The following SCAPER variants were observed in gnomAD, a reference collection of about 807,000 sequenced individuals.
SCAPER encodes S-phase cyclin A associated protein in the ER.
A neutral mutation model predicts 182.2 loss-of-function variants in SCAPER; 98 were observed. That is an observed-to-expected ratio of 0.54 (90% CI 0.46 to 0.64). SCAPER has a LOEUF of 0.64. SCAPER is among the 30% of genes least tolerant of loss of function. SCAPER has a pLI of 0.00. For missense variants in SCAPER, 1,432 were observed against 1,690.0 expected, an observed-to-expected ratio of 0.85 and a Z score of 2.68; for synonymous variants, 605 against 564.6, an observed-to-expected ratio of 1.07 and a Z score of -1.01.
chr15:76,875,407 G>A (rs1321128072), intron 2 of SCAPER, among the ~76,000 whole-genome samples: 1 of 152,178 alleles, frequency 6.6e-6, no homozygotes, highest in Non-Finnish European at 1.5e-5. Flanking sequence ...ACTTTGGCAG[G>A]CCAAAGTAGG....
At position 76,601,646 on chromosome 15, in the gene SCAPER, T is replaced by C. The variant is rs537715868; in HGVS notation, c.2711+20118A>G. Among the ~76,000 whole-genome samples the C allele has an allele frequency of 1.4e-3, 168 of 122,214 alleles. 13 individuals carry two copies. Among genetic ancestry groups the C allele is most frequent in the African/African-American group, 4.2e-3 (167 of 40,050 alleles). 80.2% of individuals were successfully genotyped at this position (122,214 alleles called of 152,430 possible). ...CATATTTTCATTGTTAAGTGATGTA[T>C]GACTGTATATTTCTTATTTTTAGTA... On this transcript the variant is annotated intron_variant, in intron 22 of 31. Coordinates refer to ENST00000563290, the MANE Select transcript of SCAPER (RefSeq NM_020843.4).
At chr15:76,837,086 T>C (rs571153903) in intron 5 of SCAPER, among the ~76,000 whole-genome samples, 1 of 152,024 alleles carries the variant, frequency 6.6e-6, no homozygotes, top group African/African-American at 2.4e-5. Context: ...AAAGAAACAA[T>C]TAACAAAGTA....
intron 2 of SCAPER, among the ~76,000 whole-genome samples, chr15:76,878,955 T>A (rs1209593163): frequency 6.6e-6 from 1 of 152,180 alleles, no homozygotes; most frequent in Admixed American, 6.5e-5. Flanking sequence ...AAAATTTTTT[T>A]AATAAATAAA....
At chr15:76,459,039 C>T (rs2048952544) in intron 25 of SCAPER, among the ~76,000 whole-genome samples, 1 of 151,960 alleles carries the variant, frequency 6.6e-6, no homozygotes, top group Non-Finnish European at 1.5e-5. Context: ...GGACTACAGG[C>T]ATGTGCCACC....
intron 23 of SCAPER, among the ~76,000 whole-genome samples, chr15:76,560,144 C>A (rs2046501336): frequency 6.6e-6 from 1 of 151,786 alleles, no homozygotes; most frequent in East Asian, 1.9e-4. Context: ...AAACTTAATC[C>A]CCGGTGTGAT....
intron 22 of SCAPER, among the ~76,000 whole-genome samples, chr15:76,603,054 C>A (rs1386352046): frequency 2.0e-5 from 2 of 101,308 alleles, no homozygotes; most frequent in African/African-American, 2.9e-5. Flanking sequence ...TATTATTATA[C>A]TTTAAGTTTT....
At chr15:76,796,666 C>A (rs905321211) in intron 7 of SCAPER, among the ~76,000 whole-genome samples, 18 of 152,214 alleles carry the variant, frequency 1.2e-4, no homozygotes, top group Admixed American at 1.2e-3. Flanking sequence ...ACTTTTACCA[C>A]ACACGAATTA....
intron 17 of SCAPER, among the ~76,000 whole-genome samples, chr15:76,721,181 G>T (rs1208744857): frequency 2.0e-5 from 3 of 152,136 alleles, no homozygotes; most frequent in African/African-American, 7.2e-5. Flanking sequence ...ATTAAATAGG[G>T]AATCCTTTCC....
chr15:76,738,798 TA>T (rs1365267721), intron 15 of SCAPER, among the ~76,000 whole-genome samples: 1 of 152,018 alleles, frequency 6.6e-6, no homozygotes, highest in Non-Finnish European at 1.5e-5. Flanking sequence ...ATCACCATAA[TA>T]AATATAATAA....
chr15:76,641,288 G>GTA (rs1480189804), intron 21 of SCAPER, among the ~76,000 whole-genome samples: 4 of 152,132 alleles, frequency 2.6e-5, no homozygotes, highest in Non-Finnish European at 5.9e-5. Flanking sequence ...TCTTATCTCT[G>GTA]TATACTGTAC....
chr15:76,466,224 T>C (rs534751391), intron 25 of SCAPER, among the ~76,000 whole-genome samples: 1 of 152,054 alleles, frequency 6.6e-6, no homozygotes, highest in East Asian at 1.9e-4. Flanking sequence ...CTTGATGGTA[T>C]GCCACAAATC....
intron 22 of SCAPER, among the ~76,000 whole-genome samples, chr15:76,589,813 G>A (rs2145649024): frequency 6.6e-6 from 1 of 152,274 alleles, no homozygotes; most frequent in East Asian, 1.9e-4. Context: ...TGTGAGACAA[G>A]TCAAAAATGG....
chr15:76,663,365 A>C (rs1394963055), intron 21 of SCAPER, among the ~76,000 whole-genome samples: 2 of 152,162 alleles, frequency 1.3e-5, no homozygotes, highest in African/African-American at 4.8e-5. Flanking sequence ...ACTATGGAAA[A>C]CAGTTTGACA....
chr15:76,600,376 AGT>A (rs2049817437), intron 22 of SCAPER, among the ~76,000 whole-genome samples: 1 of 75,860 alleles, frequency 1.3e-5, no homozygotes, highest in East Asian at 3.5e-4. Flanking sequence ...ATACTTGGAA[AGT>A]GTGTGTATAT....
At chr15:76,427,712 C>G (rs556595547) in intron 26 of SCAPER, among the ~76,000 whole-genome samples, 1 of 152,098 alleles carries the variant, frequency 6.6e-6, no homozygotes, top group African/African-American at 2.4e-5. Context: ...GCTGGTGGGT[C>G]ACCTGAGGTC....
chr15:76,569,050 TTTTA>T (rs1297851050), intron 23 of SCAPER, among the ~76,000 whole-genome samples: 15 of 152,066 alleles, frequency 9.9e-5, no homozygotes, highest in South Asian at 2.1e-4. Context: ...ATCTTACAAC[TTTTA>T]TTTATTTATT....
At chr15:76,884,507 G>T (rs2073740295) in intron 1 of SCAPER, among the ~76,000 whole-genome samples, 1 of 152,124 alleles carries the variant, frequency 6.6e-6, no homozygotes, top group African/African-American at 2.4e-5. Context: ...CACAGGGACT[G>T]GGAAATTGCT....
At chr15:76,429,150 T>A (rs1311448805) in intron 26 of SCAPER, among the ~76,000 whole-genome samples, 1 of 152,024 alleles carries the variant, frequency 6.6e-6, no homozygotes, top group African/African-American at 2.4e-5. Context: ...AGTTGTGACT[T>A]GCTCCTCCTT....
At chr15:76,605,723 G>C (rs1239998152) in intron 22 of SCAPER, among the ~76,000 whole-genome samples, 1 of 152,160 alleles carries the variant, frequency 6.6e-6, no homozygotes, top group Non-Finnish European at 1.5e-5. Context: ...TCTATTCAGA[G>C]ATTCAGCTTC....
Sources: gnomAD v4.1 joint callset for allele counts (sites outside exome capture counted in the v4.1 genomes callset) on GRCh38, gnomAD v4.1.1 for gene constraint, MANE v1.5 for transcripts, NCBI Gene and HGNC (gene_info 2026-07-23, HGNC 2026-07-21) for gene names.